SNRNP40: variants seen among roughly 807,000 people sequenced by gnomAD.
SNRNP40 encodes U5 small nuclear ribonucleoprotein 40 kDa protein.
In SNRNP40, 21 loss-of-function variants were observed where a neutral mutation model predicts 45.8. The ratio of observed to expected loss-of-function variants is 0.46; its 90% CI spans 0.32 to 0.66. The LOEUF (loss-of-function observed/expected upper bound fraction) is 0.66. Ranked by LOEUF, SNRNP40 falls within the 30% of genes least tolerant of loss-of-function variation. The pLI is 0.03. For synonymous variants in SNRNP40, 142 were observed against 163.8 expected (o/e 0.87, Z 1.01); for missense variants, 344 against 439.1 (o/e 0.78, Z 1.94).
At chr1:31,276,783 A>G (rs940230102) in intron 5 of SNRNP40, among the ~76,000 whole-genome samples, 2 of 152,226 alleles carry the variant, frequency 1.3e-5, no homozygotes, top group African/African-American at 4.8e-5. Context: ...CTGTAATCCC[A>G]GCACTTTGGG....
intron 2 of SNRNP40, chr1:31,292,965 A>G (rs999316378): frequency 6.4e-6 from 3 of 469,934 alleles, no homozygotes; most frequent in East Asian, 8.3e-5. Context: ...ATTTGCCTCT[A>G]TGAGGAAGAC....
At chr1:31,289,785 G>T (rs1256785434) in intron 3 of SNRNP40, among the ~76,000 whole-genome samples, 1 of 152,204 alleles carries the variant, frequency 6.6e-6, no homozygotes, top group Admixed American at 6.5e-5. Flanking sequence ...GCAGAGATCA[G>T]ACAGACTGTG....
chr1:31,289,332 A>G lies in SNRNP40; in HGVS notation c.453T>C (p.Thr151=), dbSNP rs1185313371. The change falls in exon 4 of 10, where the codon ACT becomes ACC. Residue 151 remains threonine, a synonymous_variant. Coordinates refer to ENST00000263694, the MANE Select transcript of SNRNP40 (RefSeq NM_004814.3). ...GERVKRLKGH[T]SFVNSCYPAR... is the part of the protein sequence containing the mutation. ...CTGGATAACAGGAATTCACAAAGGA[A>G]GTATGTCCCTTTAGCCTTTTAACCC... 1 of 1,614,058 alleles carries G rather than the reference A, an allele frequency of 6.2e-7. No homozygotes were observed. Among genetic ancestry groups the G allele is most frequent in the South Asian group, 1.1e-5 (1 of 91,088 alleles).
At chr1:31,260,723 G>A (rs1388234807) in intron 9 of SNRNP40, among the ~76,000 whole-genome samples, 10 of 151,362 alleles carry the variant, frequency 6.6e-5, no homozygotes, top group Admixed American at 2.6e-4. Context: ...TTAGGCAGGT[G>A]TGGTGGTGGG....
intron 4 of SNRNP40, among the ~76,000 whole-genome samples, chr1:31,284,905 C>G (rs1212491331): frequency 6.6e-6 from 1 of 152,142 alleles, no homozygotes; most frequent in Non-Finnish European, 1.5e-5. Context: ...TCTCCTACTC[C>G]CCCAACTCCT....
intron 1 of SNRNP40, among the ~76,000 whole-genome samples, chr1:31,293,959 A>T (rs538519156): frequency 6.6e-6 from 1 of 151,652 alleles, no homozygotes; most frequent in South Asian, 2.1e-4. Context: ...TTTATTTTTA[A>T]TTTTTTTTGT....
At chr1:31,275,062 GTTAA>G (rs143433762) in intron 5 of SNRNP40, among the ~76,000 whole-genome samples, 2,332 of 152,256 alleles carry the variant, frequency 0.015, 49 homozygotes, top group African/African-American at 0.053. Flanking sequence ...AAAGGTGCTT[GTTAA>G]TTGACTAGAG....
chr1:31,278,160 T>C (rs2148385620), intron 5 of SNRNP40, among the ~76,000 whole-genome samples: 1 of 152,338 alleles, frequency 6.6e-6, no homozygotes, highest in Non-Finnish European at 1.5e-5. Flanking sequence ...AGGAATCCTA[T>C]ACATATATAT....
chr1:31,263,344 T>A (rs1557672427), intron 8 of SNRNP40: 1 of 132,726 alleles, frequency 7.5e-6, no homozygotes, highest in Non-Finnish European at 1.6e-5. Context: ...TCAATTAATT[T>A]TTTTTTTTTT....
chr1:31,273,035 T>C (rs889213038), intron 5 of SNRNP40, among the ~76,000 whole-genome samples: 3 of 152,218 alleles, frequency 2.0e-5, no homozygotes, highest in Non-Finnish European at 4.4e-5. Context: ...GAGCAATACA[T>C]AGGGCAGACA....
At chr1:31,278,115 C>G (rs1418678353) in intron 5 of SNRNP40, among the ~76,000 whole-genome samples, 1 of 152,196 alleles carries the variant, frequency 6.6e-6, no homozygotes, top group Non-Finnish European at 1.5e-5. Flanking sequence ...GATTATTGAT[C>G]TCTTCTTTGC....
chr1:31,289,335 A>G lies in SNRNP40; in HGVS notation c.450T>C (p.His150=). The G allele has an allele frequency of 6.2e-7, 1 of 1,613,628 alleles. No individual in the cohort carries two copies. Among genetic ancestry groups the G allele is most frequent in the South Asian group, 1.1e-5 (1 of 91,072 alleles). The change falls in exon 4 of 10, where the codon CAT becomes CAC. Residue 150 remains histidine, a synonymous_variant. Coordinates refer to ENST00000263694, the MANE Select transcript of SNRNP40 (RefSeq NM_004814.3). ...TGERVKRLKG[H]TSFVNSCYPA... Reference sequence around the variant, plus strand: ...GATAACAGGAATTCACAAAGGAAGTATGTCCCTTTAGCCTTTTAACCCTCT... The same window carrying G: ...GATAACAGGAATTCACAAAGGAAGTGTGTCCCTTTAGCCTTTTAACCCTCT...
chr1:31,285,257 G>C lies in SNRNP40; in HGVS notation c.532-3761C>G, dbSNP rs79733753. 3.7e-3 allele frequency among the ~76,000 whole-genome samples: 192 copies of C among 51,604 alleles called. 1 individual carries two copies. The highest frequency in any genetic ancestry group is 0.012 in the African/African-American group (186 of 15,362). The allele number at this position is 51,604 out of a possible 152,430, so 33.9% of individuals were successfully genotyped here. On this transcript the variant is annotated intron_variant, in intron 4 of 9. Coordinates refer to ENST00000263694, the MANE Select transcript of SNRNP40 (RefSeq NM_004814.3). ...GCCTTATCACCTTTTTTTTTTTTTT[G>C]AGATGGGAGTCTCACTCTGTCTGTT...
At chr1:31,296,541 T>A in intron 1 of SNRNP40, 70 bp downstream of exon 1, 4 of 1,521,862 alleles carry the variant, frequency 2.6e-6, no homozygotes, top group Non-Finnish European at 3.5e-6. Flanking sequence ...GGGTCAGGGA[T>A]CACCAGATAC....
chr1:31,266,294 C>T (rs1236436938), intron 8 of SNRNP40, among the ~76,000 whole-genome samples: 1 of 152,150 alleles, frequency 6.6e-6, no homozygotes, highest in Non-Finnish European at 1.5e-5. Context: ...AGAAAGTCTT[C>T]CTATTTATAG....
chr1:31,279,161 T>C (rs1645998442), intron 5 of SNRNP40, among the ~76,000 whole-genome samples: 1 of 152,068 alleles, frequency 6.6e-6, no homozygotes, highest in African/African-American at 2.4e-5. Context: ...AGAGTATAAT[T>C]CTAGAATGAA....
chr1:31,291,340 A>AT (rs1258889856), intron 3 of SNRNP40, among the ~76,000 whole-genome samples: 1 of 151,774 alleles, frequency 6.6e-6, no homozygotes, highest in Non-Finnish European at 1.5e-5. Flanking sequence ...AATATAGACT[A>AT]TTTTTTCATC....
chr1:31,295,158 G>A (rs1445216488), intron 1 of SNRNP40, among the ~76,000 whole-genome samples: 1 of 152,066 alleles, frequency 6.6e-6, no homozygotes, highest in Non-Finnish European at 1.5e-5. Context: ...GGGAGGCCAA[G>A]GTGTGCGGAT....
intron 3 of SNRNP40, among the ~76,000 whole-genome samples, chr1:31,291,291 A>AAAAAAAAAAT: frequency 1.3e-5 from 2 of 152,110 alleles, no homozygotes; most frequent in East Asian, 3.9e-4. Context: ...TCCGTCTCAA[A>AAAAAAAAAAT]AAAAAAAAAT....
Sources: allele counts gnomAD v4.1 joint callset (sites outside exome capture counted in the v4.1 genomes callset), GRCh38; gene constraint gnomAD v4.1.1; transcripts MANE v1.5; gene names NCBI Gene and HGNC (gene_info 2026-07-23, HGNC 2026-07-21).